MTFR2: variants seen among roughly 807,000 people sequenced by gnomAD.
MTFR2 encodes the protein mitochondrial fission regulator 2, also known as DUF729 domain-containing protein 1.
A neutral mutation model predicts 41.2 loss-of-function variants in MTFR2; 44 were observed. The ratio of observed to expected loss-of-function variants is 1.07; its 90% CI spans 0.84 to 1.37. The LOEUF is 1.37. MTFR2 is among the 40% of genes most tolerant of loss of function. The pLI is 0.00. For missense variants in MTFR2, 452 were observed against 459.5 expected, an observed-to-expected ratio of 0.98 and a Z score of 0.15; for synonymous variants, 141 against 154.6, an observed-to-expected ratio of 0.91 and a Z score of 0.65.
chr6:136,249,269 C>A lies in MTFR2; in HGVS notation c.-54-116G>T, dbSNP rs554980835. The stretch of plus-strand genomic sequence containing the variant: ...CAGTCAACTAATTTCTCCTAGCCAG[C>A]ATTCTTTTAAGTCAGAGAAAAAGAA... On this transcript the variant is annotated intron_variant, in intron 1 of 7. Coordinates refer to ENST00000420702, the MANE Select transcript of MTFR2 (RefSeq NM_001099286.3). The A allele has an allele frequency of 1.4e-5, 7 of 516,670 alleles. No homozygotes were observed. The African/African-American group carries it at 1.4e-4, about 10-fold the overall frequency. 32.0% of individuals were successfully genotyped at this position (516,670 alleles called of 1,614,324 possible). A position where few individuals can be genotyped will look rare whatever the true frequency, so the allele number is the denominator to read the frequency against.
At chr6:136,246,852 G>T (rs1037757512) in intron 2 of MTFR2, among the ~76,000 whole-genome samples, 1 of 152,134 alleles carries the variant, frequency 6.6e-6, no homozygotes, top group African/African-American at 2.4e-5. Flanking sequence ...CTTCAGCTGG[G>T]TTCTCACAGG....
chr6:136,247,025 AACTTC>A (rs2128459551), intron 2 of MTFR2, among the ~76,000 whole-genome samples: 1 of 152,264 alleles, frequency 6.6e-6, no homozygotes, highest in Admixed American at 6.5e-5. Context: ...GACATACCTC[AACTTC>A]ACTTCTCTTA....
Position 136,241,424 on chromosome 6 carries a change from A to G in MTFR2, c.514+20T>C, listed in dbSNP as rs576955257. On this transcript the variant is annotated intron_variant, in intron 5 of 7. Coordinates refer to ENST00000420702, the MANE Select transcript of MTFR2 (RefSeq NM_001099286.3). ...CCATGAGTATCATCTAACTGAAACA[A>G]AAATCCTACTGTTACTTACTAGAAT... 2 of 1,591,832 alleles carry G rather than the reference A, an allele frequency of 1.3e-6. No individual in the cohort carries two copies. Among genetic ancestry groups the G allele is most frequent in the Admixed American group, 3.5e-5 (2 of 57,672 alleles).
At chr6:136,248,469 G>C (rs1443524717) in intron 2 of MTFR2, among the ~76,000 whole-genome samples, 1 of 152,170 alleles carries the variant, frequency 6.6e-6, no homozygotes, top group Non-Finnish European at 1.5e-5. Flanking sequence ...GAGTTCCCCT[G>C]CACAAGCTCT....
intron 7 of MTFR2, chr6:136,233,036 A>T (rs1779804651): frequency 1.7e-5 from 4 of 236,544 alleles, no homozygotes; most frequent in Admixed American, 5.1e-5. Context: ...CCCAGTTCAT[A>T]CTGCAGATGG....
rs1261373133 is a variant in MTFR2, at chr6:136,231,786, G to A, written c.1045-398C>T. Among the ~76,000 whole-genome samples, 10 of 151,410 alleles carry A rather than the reference G, an allele frequency of 6.6e-5. 1 individual carries two copies. The highest frequency in any genetic ancestry group is 6.6e-4 in the Admixed American group (10 of 15,158). ...GTAAATGACAACCTAGAAACACTTC[G>A]TTTATCCACTATCACTGGGAAACAG... On this transcript the variant is annotated intron_variant, in intron 7 of 7. Coordinates refer to ENST00000420702, the MANE Select transcript of MTFR2 (RefSeq NM_001099286.3).
At chr6:136,243,410 T>A (rs761272429) in intron 3 of MTFR2, among the ~76,000 whole-genome samples, 11 of 152,136 alleles carry the variant, frequency 7.2e-5, no homozygotes, top group Non-Finnish European at 1.3e-4. Context: ...TTCCTTCTAC[T>A]TAAAAAGAAA....
At position 136,250,178 on chromosome 6, in the gene MTFR2, C is replaced by CCGGT. The variant is rs1780328948; in HGVS notation, c.-261_-258dup. ...CCTCAGCGAGGAATAAGAGGTCAAC[C>CCGGT]CGGTGCCCAGCCCTGGAGCCTCACG... On this transcript the variant is annotated 5_prime_UTR_variant, in exon 1 of 8. Coordinates refer to ENST00000420702, the MANE Select transcript of MTFR2 (RefSeq NM_001099286.3). 1 of 152,528 alleles carries CCGGT rather than the reference C, an allele frequency of 6.6e-6. No individual in the cohort carries two copies. Among genetic ancestry groups the CCGGT allele is most frequent in the South Asian group, 2.1e-4 (1 of 4,834 alleles). The allele number at this position is 152,528 out of a possible 1,614,324, so 9.4% of individuals were successfully genotyped here.
At chr6:136,248,064 T>A (rs183140863) in intron 2 of MTFR2, among the ~76,000 whole-genome samples, 1 of 150,790 alleles carries the variant, frequency 6.6e-6, no homozygotes, top group Admixed American at 6.5e-5. Context: ...TTCAACTTAC[T>A]TTTGCTTTAA....
chr6:136,231,185 T>C lies in MTFR2; in HGVS notation c.*90A>G, dbSNP rs1242779185. The C allele has an allele frequency of 1.2e-6, 1 of 820,116 alleles. No homozygotes were observed. The highest frequency in any genetic ancestry group is 2.0e-6 in the Non-Finnish European group (1 of 511,280). 50.8% of individuals were successfully genotyped at this position (820,116 alleles called of 1,614,324 possible). On this transcript the variant is annotated 3_prime_UTR_variant, in exon 8 of 8. Coordinates refer to ENST00000420702, the MANE Select transcript of MTFR2 (RefSeq NM_001099286.3). ...GAAGAGTCTTTAAATACATCTACTT[T>C]TAGCCTTTAACAGTCCAAATCAGTT...
At chr6:136,241,090 CA>C (rs57165504) in intron 5 of MTFR2, among the ~76,000 whole-genome samples, 4,230 of 63,268 alleles carry the variant, frequency 0.067, 142 homozygotes, top group African/African-American at 0.18. Context: ...GACTGCGTCT[CA>C]AAAAAAAAAA....
intron 2 of MTFR2, chr6:136,247,677 G>A (rs530304865): frequency 7.6e-6 from 3 of 397,090 alleles, no homozygotes; most frequent in South Asian, 5.7e-5. Context: ...CTCCCTTCCT[G>A]ATATTCTTCA....
chr6:136,248,375 TAACTG>T (rs1290135609), intron 2 of MTFR2, among the ~76,000 whole-genome samples: 1 of 152,220 alleles, frequency 6.6e-6, no homozygotes, highest in Non-Finnish European at 1.5e-5. Context: ...CAGGTGAAGA[TAACTG>T]AATCATGGGG....
chr6:136,249,746 A>G (rs113458978), intron 1 of MTFR2, among the ~76,000 whole-genome samples: 3,260 of 152,160 alleles, frequency 0.021, 86 homozygotes, highest in African/African-American at 0.066. Context: ...CACCATGTAA[A>G]ATGTGACTTT....
intron 2 of MTFR2, among the ~76,000 whole-genome samples, chr6:136,245,722 G>A (rs888419025): frequency 6.6e-6 from 1 of 152,212 alleles, no homozygotes; most frequent in South Asian, 2.1e-4. Context: ...TGTGAGGTCA[G>A]GTGTAAAATT....
At chr6:136,246,190 C>T (rs1268336909) in intron 2 of MTFR2, among the ~76,000 whole-genome samples, 2 of 152,272 alleles carry the variant, frequency 1.3e-5, no homozygotes, top group Non-Finnish European at 1.5e-5. Context: ...CTATCTTGCT[C>T]GGCAGTTTCC....
chr6:136,242,079 CA>C (rs548176168), intron 4 of MTFR2, among the ~76,000 whole-genome samples: 1,896 of 17,508 alleles, frequency 0.11, 52 homozygotes, highest in African/African-American at 0.19. Context: ...GACTCTGTCT[CA>C]AAAAAAAAAA....
intron 5 of MTFR2, among the ~76,000 whole-genome samples, chr6:136,240,816 G>A (rs1301310566): frequency 6.6e-6 from 1 of 152,312 alleles, no homozygotes; most frequent in Non-Finnish European, 1.5e-5. Flanking sequence ...TGAGGGCCGG[G>A]CGCGGTGGCT....
chr6:136,242,627 C>T lies in MTFR2; in HGVS notation c.281+234G>A, dbSNP rs555036569. On this transcript the variant is annotated intron_variant, in intron 4 of 7. Transcript: ENST00000420702. Reference sequence around the variant, plus strand: ...TGGCTAAAAACATGATTCTAATATCCCTTTAATAACCACTCCCTCCTAGGC... The same window carrying T: ...TGGCTAAAAACATGATTCTAATATCTCTTTAATAACCACTCCCTCCTAGGC... 3.9e-5 allele frequency among the ~76,000 whole-genome samples: 6 copies of T among 152,024 alleles called. No individual in the cohort carries two copies. The South Asian group carries it at 1.0e-3, about 26-fold the overall frequency.
Sources: gnomAD v4.1 joint callset for allele counts (sites outside exome capture counted in the v4.1 genomes callset) on GRCh38, gnomAD v4.1.1 for gene constraint, MANE v1.5 for transcripts, NCBI Gene and HGNC (gene_info 2026-07-23, HGNC 2026-07-21) for gene names.